Variants in LRRC8B observed in about 807,000 individuals in gnomAD.
The protein encoded by LRRC8B is leucine rich repeat containing 8 VRAC subunit B, also known as volume-regulated anion channel subunit LRRC8B.
A neutral mutation model predicts 58.8 loss-of-function variants in LRRC8B; 23 were observed. That is an observed-to-expected ratio of 0.39 (90% confidence interval 0.28 to 0.55). The LOEUF is 0.55. Among genes scored for constraint, LRRC8B ranks in the 20% least tolerant of loss-of-function variants. LRRC8B has a pLI of 0.62. For missense variants in LRRC8B, 694 were observed against 936.0 expected (o/e 0.74, Z 3.37); for synonymous variants, 359 against 374.1 (o/e 0.96, Z 0.47).
At chr1:89,587,277 A>G (rs1382630253) in intron 5 of LRRC8B, among the ~76,000 whole-genome samples, 1 of 152,248 alleles carries the variant, frequency 6.6e-6, no homozygotes, top group African/African-American at 2.4e-5. Context: ...TACAACCTTC[A>G]GAGTCTCATG....
intron 1 of LRRC8B, among the ~76,000 whole-genome samples, chr1:89,547,049 T>C (rs1205377572): frequency 4.6e-5 from 7 of 152,202 alleles, no homozygotes; most frequent in Admixed American, 3.9e-4. Context: ...TTCCTAATTA[T>C]TTTGCTATAA....
At chr1:89,589,209 A>AT (rs1431660999) in intron 5 of LRRC8B, among the ~76,000 whole-genome samples, 3 of 152,150 alleles carry the variant, frequency 2.0e-5, no homozygotes, top group African/African-American at 7.2e-5. Context: ...CACTGCCCTT[A>AT]TTTTACTGAG....
At chr1:89,541,960 G>A (rs899299010) in intron 1 of LRRC8B, among the ~76,000 whole-genome samples, 4 of 152,016 alleles carry the variant, frequency 2.6e-5, no homozygotes, top group African/African-American at 7.3e-5. Flanking sequence ...TTGATATAAT[G>A]TACAAATTAT....
At chr1:89,542,653 G>A (rs185724186) in intron 1 of LRRC8B, among the ~76,000 whole-genome samples, 1 of 152,140 alleles carries the variant, frequency 6.6e-6, no homozygotes, top group African/African-American at 2.4e-5. Flanking sequence ...TACTATTTGT[G>A]CATGTTTAGA....
chr1:89,549,024 A>T (rs930855275), intron 1 of LRRC8B, among the ~76,000 whole-genome samples: 2 of 152,218 alleles, frequency 1.3e-5, no homozygotes, highest in African/African-American at 4.8e-5. Context: ...ACTTGTGATT[A>T]TTCACTCAAA....
chr1:89,591,783 T>TA (rs1654991664), intron 5 of LRRC8B, among the ~76,000 whole-genome samples: 1 of 152,210 alleles, frequency 6.6e-6, no homozygotes, highest in Non-Finnish European at 1.5e-5. Context: ...GTGCCCTTTT[T>TA]ATCCCTGTTT....
intron 3 of LRRC8B, among the ~76,000 whole-genome samples, chr1:89,574,525 G>A (rs1197295362): frequency 6.6e-6 from 1 of 152,188 alleles, no homozygotes; most frequent in East Asian, 1.9e-4. Context: ...TAATGAACTT[G>A]TGGATCTAGC....
chr1:89,577,127 A>G (rs995781056), intron 3 of LRRC8B, among the ~76,000 whole-genome samples: 5 of 152,162 alleles, frequency 3.3e-5, no homozygotes, highest in African/African-American at 4.8e-5. Flanking sequence ...GAGAACCGCT[A>G]TTTGGAATTG....
chr1:89,544,309 C>T (rs922874428), intron 1 of LRRC8B, among the ~76,000 whole-genome samples: 1 of 152,108 alleles, frequency 6.6e-6, no homozygotes, highest in Non-Finnish European at 1.5e-5. Context: ...AAAATTATTT[C>T]TAAACAAAAT....
intron 1 of LRRC8B, among the ~76,000 whole-genome samples, chr1:89,539,286 A>G (rs1264473269): frequency 6.6e-6 from 1 of 151,968 alleles, no homozygotes; most frequent in Non-Finnish European, 1.5e-5. Flanking sequence ...GGGTATTTCT[A>G]GCCTACTTTT....
chr1:89,591,432 T>C (rs1654967668), intron 5 of LRRC8B, among the ~76,000 whole-genome samples: 1 of 152,220 alleles, frequency 6.6e-6, no homozygotes, highest in Non-Finnish European at 1.5e-5. Flanking sequence ...TTGCATCTGC[T>C]CTTGGGAAGG....
At chr1:89,592,663 T>A in intron 5 of LRRC8B, 108 bp from the exon 6 acceptor site, 1 of 968,818 alleles carries the variant, frequency 1.0e-6, no homozygotes, top group Non-Finnish European at 1.5e-6. Context: ...GCATCACTTA[T>A]AAACCTCCAG....
intron 1 of LRRC8B, among the ~76,000 whole-genome samples, chr1:89,539,556 A>G (rs1650798513): frequency 6.6e-6 from 1 of 152,198 alleles, no homozygotes; most frequent in Non-Finnish European, 1.5e-5. Context: ...GGAGTCATGA[A>G]GGTGAAGAAA....
chr1:89,541,584 G>A (rs1156247236), intron 1 of LRRC8B, among the ~76,000 whole-genome samples: 2 of 149,592 alleles, frequency 1.3e-5, no homozygotes, highest in Non-Finnish European at 3.0e-5. Flanking sequence ...AGTGGCGGGC[G>A]CCTGTAGTCC....
chr1:89,579,303 G>A (rs909796750), intron 3 of LRRC8B, among the ~76,000 whole-genome samples: 10 of 152,240 alleles, frequency 6.6e-5, no homozygotes, highest in Non-Finnish European at 8.8e-5. Context: ...TTCAGGGAGT[G>A]AGTATGGTTT....
intron 1 of LRRC8B, among the ~76,000 whole-genome samples, chr1:89,559,313 C>G (rs536962313): frequency 2.2e-4 from 34 of 152,102 alleles, no homozygotes; most frequent in African/African-American, 8.2e-4. Flanking sequence ...GTATTAGGAA[C>G]CTTCCATGGT....
In LRRC8B at chr1:89,584,765, G is replaced by A; in HGVS notation, c.2115G>A (p.Gln705=). ...AAATCCAGTATCTGAGTAATTTGCA[G>A]TACTTTGCTGTGACCAACAACAATG... ...PEEIQYLSNL[Q]YFAVTNNNIE... is the part of the protein sequence containing the mutation. The change falls in exon 5 of 6, where the codon CAG becomes CAA. Residue 705 remains glutamine (Q), a synonymous_variant. Coordinates refer to ENST00000330947, the MANE Select transcript of LRRC8B (RefSeq NM_001369817.2). The A allele has an allele frequency of 1.9e-6, 3 of 1,604,934 alleles. No individual in the cohort carries two copies. Among genetic ancestry groups the A allele is most frequent in the Non-Finnish European group, 2.6e-6 (3 of 1,176,038 alleles).
chr1:89,541,539 G>A (rs1331347898), intron 1 of LRRC8B, among the ~76,000 whole-genome samples: 7 of 150,852 alleles, frequency 4.6e-5, no homozygotes, highest in East Asian at 1.9e-4. Flanking sequence ...GTGAAACCCC[G>A]TCTCTACTAA....
chr1:89,580,306 G>A (rs537386001), intron 4 of LRRC8B, among the ~76,000 whole-genome samples: 2 of 152,174 alleles, frequency 1.3e-5, no homozygotes, highest in Non-Finnish European at 2.9e-5. Context: ...TTGGGTTTCA[G>A]TATTGTGATC....
Sources: allele counts gnomAD v4.1 joint callset (sites outside exome capture counted in the v4.1 genomes callset), GRCh38; gene constraint gnomAD v4.1.1; transcripts MANE v1.5; gene names NCBI Gene and HGNC (gene_info 2026-07-23, HGNC 2026-07-21).